MAP2: variants seen among roughly 807,000 people sequenced by gnomAD.
MAP2 encodes microtubule-associated protein 2.
A neutral mutation model predicts 137.6 loss-of-function variants in MAP2; 14 were observed. That is an observed-to-expected ratio of 0.10 (90% CI 0.07 to 0.16). The LOEUF (loss-of-function observed/expected upper bound fraction) is 0.16. Ranked by LOEUF, MAP2 falls within the 10% of genes least tolerant of loss-of-function variation. MAP2 has a pLI of 1.00. For missense variants in MAP2, 2,088 were observed against 2,191.5 expected (o/e 0.95, Z 0.94); for synonymous variants, 786 against 782.3 (o/e 1.00, Z -0.08).
chr2:209,530,762 T>A (rs2064990788), intron 2 of MAP2, among the ~76,000 whole-genome samples: 1 of 152,200 alleles, frequency 6.6e-6, no homozygotes, highest in African/African-American at 2.4e-5. Flanking sequence ...TCACCTTTTT[T>A]ATGGTTGAAG....
chr2:209,662,494 A>T (rs1259647310), intron 5 of MAP2, among the ~76,000 whole-genome samples: 1 of 152,202 alleles, frequency 6.6e-6, no homozygotes, highest in South Asian at 2.1e-4. Flanking sequence ...AAGTGCAAAT[A>T]TAATTTAATT....
chr2:209,461,012 G>A (rs1312982570), intron 1 of MAP2, among the ~76,000 whole-genome samples: 3 of 152,086 alleles, frequency 2.0e-5, no homozygotes, highest in East Asian at 1.9e-4. Flanking sequence ...GCCTCCCAAA[G>A]TGCTGGGATT....
chr2:209,457,222 T>C (rs563904457), intron 1 of MAP2, among the ~76,000 whole-genome samples: 93 of 152,300 alleles, frequency 6.1e-4, no homozygotes, highest in African/African-American at 1.7e-3. Flanking sequence ...ATGGCTTGGC[T>C]ATGGCAGCTA....
chr2:209,648,016 C>T (rs2094519997), intron 4 of MAP2, among the ~76,000 whole-genome samples: 1 of 151,636 alleles, frequency 6.6e-6, no homozygotes. Context: ...AATACTTGGG[C>T]CCTTTAATAT....
intron 2 of MAP2, among the ~76,000 whole-genome samples, chr2:209,576,271 T>A (rs2075355447): frequency 6.6e-6 from 1 of 152,128 alleles, no homozygotes; most frequent in South Asian, 2.1e-4. Context: ...AGAGACGAAG[T>A]CTTGCTCTGT....
In MAP2 at chr2:209,523,203, A is replaced by C. The variant is rs908546975; in HGVS notation, c.-172+15562A>C. Among the ~76,000 whole-genome samples the C allele has an allele frequency of 5.3e-5, 8 of 152,060 alleles. No individual in the cohort carries two copies. The South Asian group carries it at 1.7e-3, about 32-fold the overall frequency. Reference sequence around the variant, plus strand: ...GATGCCCTCACTGTGCACTCCCATAACACCCCGAATGCAATCTCTCATGGC... The same window carrying C: ...GATGCCCTCACTGTGCACTCCCATACCACCCCGAATGCAATCTCTCATGGC... On this transcript the variant is annotated intron_variant, in intron 2 of 15. Coordinates refer to ENST00000682079, the MANE Select transcript of MAP2 (RefSeq NM_001375505.1).
chr2:209,690,508 A>G lies in MAP2; in HGVS notation c.455-2117A>G, dbSNP rs753294468. ...AAACAGCTGAGGTCTTCATGAGGTC[A>G]TTCTAATGGAGCTGAAAGTGTTCCT... is the stretch of plus-strand genomic sequence containing the variant. On this transcript the variant is annotated intron_variant, in intron 7 of 15. Coordinates refer to ENST00000682079, the MANE Select transcript of MAP2 (RefSeq NM_001375505.1). 1,354 of 990,752 alleles carry G rather than the reference A, an allele frequency of 1.4e-3. 2 individuals are homozygous for G. Among genetic ancestry groups the G allele is most frequent in the Admixed American group, 2.2e-3 (60 of 26,868 alleles). The allele number at this position is 990,752 out of a possible 1,614,324, so 61.4% of individuals were successfully genotyped here. A position where few individuals can be genotyped will look rare whatever the true frequency, so the allele number is the denominator to read the frequency against.
chr2:209,522,869 C>G (rs779762845), intron 2 of MAP2, among the ~76,000 whole-genome samples: 1 of 152,142 alleles, frequency 6.6e-6, no homozygotes, highest in Non-Finnish European at 1.5e-5. Flanking sequence ...TGTCAACTAA[C>G]TCATTGAAGC....
At chr2:209,654,373 C>T (rs1027271561) in intron 5 of MAP2, among the ~76,000 whole-genome samples, 25 of 152,210 alleles carry the variant, frequency 1.6e-4, no homozygotes, top group South Asian at 6.2e-4. Context: ...TAGTGTCCAA[C>T]CTGATTCCAG....
At chr2:209,438,263 G>A (rs1222908316) in intron 1 of MAP2, among the ~76,000 whole-genome samples, 1 of 151,576 alleles carries the variant, frequency 6.6e-6, no homozygotes, top group Non-Finnish European at 1.5e-5. Flanking sequence ...GGATGTGGAT[G>A]TAAATGGAGT....
At chr2:209,638,207 T>C (rs1378207706) in intron 4 of MAP2, among the ~76,000 whole-genome samples, 1 of 152,058 alleles carries the variant, frequency 6.6e-6, no homozygotes, top group African/African-American at 2.4e-5. Context: ...GCCATGGAAA[T>C]CAACCTGATT....
At chr2:209,593,692 A>ATATAT (rs1278425911) in intron 3 of MAP2, among the ~76,000 whole-genome samples, 5 of 95,100 alleles carry the variant, frequency 5.3e-5, no homozygotes, top group African/African-American at 2.0e-4. Context: ...AAAAAATAAT[A>ATATAT]TATATTATAT....
In MAP2 at chr2:209,680,541, A is replaced by C. The variant is rs186158666; in HGVS notation, c.377-209A>C. Among the ~76,000 whole-genome samples the C allele has an allele frequency of 5.2e-3, 783 of 151,916 alleles. 13 individuals carry two copies. The highest frequency in any genetic ancestry group is 0.018 in the African/African-American group (732 of 41,482). The stretch of plus-strand genomic sequence containing the variant: ...GAGATGATAAAATCATTTTTTTTTG[A>C]AAATATCAAATGCTTGTCTTATTTT... On this transcript the variant is annotated intron_variant, in intron 6 of 15. Coordinates refer to ENST00000682079, the MANE Select transcript of MAP2 (RefSeq NM_001375505.1).
Position 209,700,275 on chromosome 2 carries a change from A to T in MAP2, c.4523-2A>T. ...GGGTTGTTTGTCTTTTATTTTCAAC[A>T]GCAGCAGGTGGGGAATCAGCTCTGG... On this transcript the variant is annotated splice_acceptor_variant, in intron 10 of 15. Transcript: ENST00000682079. LOFTEE classifies it high-confidence loss of function. 2 of 1,612,974 alleles carry T rather than the reference A, an allele frequency of 1.2e-6. No homozygotes were observed. The highest frequency in any genetic ancestry group is 1.7e-6 in the Non-Finnish European group (2 of 1,179,232).
chr2:209,436,854 C>G (rs1696437063), intron 1 of MAP2, among the ~76,000 whole-genome samples: 1 of 151,594 alleles, frequency 6.6e-6, no homozygotes, highest in South Asian at 2.1e-4. Context: ...ATTTCATACA[C>G]TAACATTTTC....
Position 209,696,308 on chromosome 2 carries a change from G to A in MAP2, c.4138G>A (p.Asp1380Asn), listed in dbSNP as rs751406711. ...TTACAAAGATGAGACCACCATTGAC[G>A]ACTCCATCATGGACGCTGACAGCCT... ...DDYKDETTIDDSIMDADSLWV... is the reference protein window; with the variant it reads ...DDYKDETTIDNSIMDADSLWV... Residue 1380 changes from aspartate to asparagine, a missense_variant, in exon 8 of 16, where the codon GAC becomes AAC. Around this residue, in one of 6 missense-constraint regions of MAP2, gnomAD observed 591 missense variants for 642.6 expected, o/e 0.92. Transcript: ENST00000682079. 9 of 1,586,084 alleles carry A rather than the reference G, an allele frequency of 5.7e-6. No individual in the cohort carries two copies. Among genetic ancestry groups the A allele is most frequent in the Non-Finnish European group, 7.7e-6 (9 of 1,171,086 alleles).
chr2:209,623,609 G>A (rs541192168), intron 3 of MAP2, among the ~76,000 whole-genome samples: 158 of 152,182 alleles, frequency 1.0e-3, no homozygotes, highest in Non-Finnish European at 1.9e-3. Flanking sequence ...TTCTACTTTA[G>A]TTCTAAAACC....
In MAP2 at chr2:209,693,514, C is replaced by T. The variant is rs1342614440; in HGVS notation, c.1344C>T (p.Thr448=). The stretch of plus-strand genomic sequence containing the variant: ...CTGAGCTGAAGCTTGAAGAAAAAAC[C>T]ACCATTTCTGACAAAGAAGCTGTGC... ...KETELKLEEK[T]TISDKEAVPK... is the part of the protein sequence containing the mutation. Residue 448 remains threonine, a synonymous_variant, in exon 8 of 16, where the codon ACC becomes ACT. Transcript: ENST00000682079. The T allele has an allele frequency of 6.2e-7, 1 of 1,609,920 alleles. No individual in the cohort carries two copies. The highest frequency in any genetic ancestry group is 1.3e-5 in the African/African-American group (1 of 74,322).
At chr2:209,492,336 C>A (rs1285079055) in intron 1 of MAP2, among the ~76,000 whole-genome samples, 1 of 152,148 alleles carries the variant, frequency 6.6e-6, no homozygotes, top group Non-Finnish European at 1.5e-5. Context: ...CAGTATCACA[C>A]TGAATGGGCA....
Sources: allele counts gnomAD v4.1 joint callset (sites outside exome capture counted in the v4.1 genomes callset), GRCh38; gene constraint gnomAD v4.1.1; regional missense constraint gnomAD v4.1.1; transcripts MANE v1.5; gene names NCBI Gene and HGNC (gene_info 2026-07-23, HGNC 2026-07-21).